AOPEP: variants seen among roughly 807,000 people sequenced by gnomAD.
The protein encoded by AOPEP is aminopeptidase O.
Under a neutral mutation model 98.1 loss-of-function variants are expected in AOPEP, and 77 were observed. That is an observed-to-expected ratio of 0.78 (90% CI 0.65 to 0.95). The LOEUF (loss-of-function observed/expected upper bound fraction) is 0.95, where lower values mean the gene tolerates loss of function less well. AOPEP is among the 40% of genes least tolerant of loss of function. AOPEP has a pLI of 0.00. For synonymous variants in AOPEP, 346 were observed against 365.3 expected (o/e 0.95, Z 0.60); for missense variants, 1,024 against 1,024.7 (o/e 1.00, Z 0.01).
At chr9:95,112,492 T>A in the AOPEP span, among the ~76,000 whole-genome samples, 2 of 152,210 alleles carry the variant, frequency 1.3e-5, no homozygotes, top group African/African-American at 4.8e-5. Flanking sequence ...AGTGGTTAAA[T>A]GTTCTACATT....
chr9:94,760,762 A>G (rs1227919731), intron 2 of AOPEP, 182 bp downstream of exon 2: 1 of 484,254 alleles, frequency 2.1e-6, no homozygotes, highest in Non-Finnish European at 3.6e-6. Context: ...TAAACCCTTA[A>G]TAGGATTAGC....
chr9:95,031,824 G>A (rs546455264), intron 13 of AOPEP, among the ~76,000 whole-genome samples: 4 of 152,258 alleles, frequency 2.6e-5, no homozygotes, highest in African/African-American at 7.2e-5. Context: ...TGCTCCTCTT[G>A]TCTTGTGACT....
the AOPEP span, chr9:95,101,375 C>G: frequency 2.4e-6 from 1 of 417,210 alleles, no homozygotes; most frequent in Non-Finnish European, 4.4e-6. Context: ...AGATGTGCAG[C>G]TTGACTTGGG....
chr9:94,917,175 T>C (rs1421575553), intron 5 of AOPEP, among the ~76,000 whole-genome samples: 2 of 152,036 alleles, frequency 1.3e-5, no homozygotes, highest in Admixed American at 6.5e-5. Flanking sequence ...TCCACAACGT[T>C]CTCTCGGGAT....
At chr9:94,983,172 C>T (rs921854198) in intron 11 of AOPEP, among the ~76,000 whole-genome samples, 7 of 152,098 alleles carry the variant, frequency 4.6e-5, no homozygotes, top group Admixed American at 2.6e-4. Context: ...GGACTACAGG[C>T]GGGCACGCAT....
chr9:94,932,510 G>A (rs762584436), intron 7 of AOPEP: 33 of 150,894 alleles, frequency 2.2e-4, no homozygotes, highest in Non-Finnish European at 4.1e-4. Flanking sequence ...TTAAGACAGA[G>A]TCTTGCTCTG....
At chr9:95,119,508 G>A in the AOPEP span, among the ~76,000 whole-genome samples, 3 of 151,888 alleles carry the variant, frequency 2.0e-5, no homozygotes, top group Non-Finnish European at 4.4e-5. Context: ...TGGGACTAAA[G>A]GCACATGCCA....
chr9:94,753,760 T>C (rs1836366907), intron 1 of AOPEP, among the ~76,000 whole-genome samples: 1 of 152,116 alleles, frequency 6.6e-6, no homozygotes, highest in African/African-American at 2.4e-5. Context: ...AATGAAGGGA[T>C]TGAAAAGATG....
intron 5 of AOPEP, among the ~76,000 whole-genome samples, chr9:94,832,246 T>C (rs1176846272): frequency 6.6e-6 from 1 of 151,868 alleles, no homozygotes; most frequent in African/African-American, 2.4e-5. Context: ...TATAGAAAAA[T>C]GAGCTAGAGA....
At chr9:94,909,788 A>G (rs1422086678) in intron 5 of AOPEP, among the ~76,000 whole-genome samples, 1 of 152,110 alleles carries the variant, frequency 6.6e-6, no homozygotes, top group East Asian at 1.9e-4. Flanking sequence ...GGGCCTTTGT[A>G]AAAGAGCTTT....
intron 7 of AOPEP, among the ~76,000 whole-genome samples, chr9:94,953,720 C>A (rs573878840): frequency 6.6e-6 from 1 of 152,106 alleles, no homozygotes; most frequent in Non-Finnish European, 1.5e-5. Flanking sequence ...TTTAAAATAA[C>A]CCCTTGCTTT....
intron 13 of AOPEP, among the ~76,000 whole-genome samples, chr9:95,042,724 C>T (rs2065443829): frequency 6.6e-6 from 1 of 152,162 alleles, no homozygotes; most frequent in Non-Finnish European, 1.5e-5. Flanking sequence ...ACACTGCTGT[C>T]TTTTTGGTTC....
At chr9:94,988,642 G>A (rs961602853) in intron 11 of AOPEP, among the ~76,000 whole-genome samples, 1 of 152,194 alleles carries the variant, frequency 6.6e-6, no homozygotes, top group Non-Finnish European at 1.5e-5. Context: ...GGAGACAGTT[G>A]GTAGTGGCCC....
chr9:94,848,820 G>A (rs760583065), intron 5 of AOPEP, among the ~76,000 whole-genome samples: 17 of 151,964 alleles, frequency 1.1e-4, no homozygotes, highest in Non-Finnish European at 2.1e-4. Context: ...ATGGAGTTTC[G>A]CCCTTGTCAC....
intron 5 of AOPEP, among the ~76,000 whole-genome samples, chr9:94,876,153 C>T (rs2046914487): frequency 1.3e-5 from 2 of 152,154 alleles, no homozygotes; most frequent in Admixed American, 1.3e-4. Context: ...TGATTAAGGA[C>T]CACAGTTGCT....
the AOPEP span, among the ~76,000 whole-genome samples, chr9:95,148,139 A>C: frequency 2.6e-5 from 4 of 152,224 alleles, no homozygotes; most frequent in Non-Finnish European, 5.9e-5. Context: ...GCATTTTCAC[A>C]TATGAATGTC....
chr9:94,805,095 G>A (rs946641254), intron 5 of AOPEP, among the ~76,000 whole-genome samples: 7 of 152,166 alleles, frequency 4.6e-5, no homozygotes, highest in African/African-American at 1.7e-4. Context: ...CCAGGAGCAA[G>A]TGAGTCACTA....
At chr9:94,750,992 C>T (rs1275071955) in intron 1 of AOPEP, among the ~76,000 whole-genome samples, 1 of 152,026 alleles carries the variant, frequency 6.6e-6, no homozygotes, top group Non-Finnish European at 1.5e-5. Flanking sequence ...CGTGATCCGC[C>T]CACCTTGGCC....
intron 5 of AOPEP, among the ~76,000 whole-genome samples, chr9:94,923,199 A>G (rs1458206817): frequency 2.0e-4 from 31 of 152,190 alleles, no homozygotes; most frequent in Admixed American, 2.0e-3. Flanking sequence ...CCTTCTTCCC[A>G]TTCCACCTAT....
Sources: gnomAD v4.1 joint callset for allele counts (sites outside exome capture counted in the v4.1 genomes callset) on GRCh38, gnomAD v4.1.1 for gene constraint, MANE v1.5 for transcripts, NCBI Gene and HGNC (gene_info 2026-07-23, HGNC 2026-07-21) for gene names.